The following SYT7 variants were observed in gnomAD, a reference collection of about 807,000 sequenced individuals.
SYT7 encodes the protein synaptotagmin-7.
Under a neutral mutation model 75.1 loss-of-function variants are expected in SYT7, and 29 were observed. The observed-to-expected ratio is 0.39, with a 90% CI of 0.29 to 0.53. SYT7 has a LOEUF of 0.53. Among genes scored for constraint, SYT7 ranks in the 20% least tolerant of loss-of-function variants. The pLI is 0.77. For synonymous variants in SYT7, 376 were observed against 401.7 expected (o/e 0.94, Z 0.76); for missense variants, 693 against 953.2 (o/e 0.73, Z 3.59).
chr11:61,565,491 T>C (rs1415491811), intron 1 of SYT7, among the ~76,000 whole-genome samples: 2 of 152,196 alleles, frequency 1.3e-5, no homozygotes, highest in African/African-American at 4.8e-5. Flanking sequence ...TCTTGCAGAA[T>C]TTCCTGACCT....
At chr11:61,545,379 T>C (rs966695729) in intron 5 of SYT7, among the ~76,000 whole-genome samples, 3 of 152,100 alleles carry the variant, frequency 2.0e-5, no homozygotes, top group Admixed American at 6.5e-5. Flanking sequence ...CAACAGCCAG[T>C]GGTGGGATAG....
intron 7 of SYT7, 56 bp downstream of exon 7, chr11:61,538,088 C>T (rs1341130222): frequency 3.2e-5 from 49 of 1,528,682 alleles, no homozygotes; most frequent in Admixed American, 1.8e-4. Context: ...GGCAGGCGGC[C>T]TCTCCGCGCC....
the SYT7 span, among the ~76,000 whole-genome samples, chr11:61,587,901 G>A: frequency 2.6e-5 from 4 of 151,522 alleles, no homozygotes; most frequent in African/African-American, 9.7e-5. Flanking sequence ...GGCCCAGAGG[G>A]AGGAGGGGGA....
At chr11:61,532,317 T>C (rs1402174947) in intron 8 of SYT7, among the ~76,000 whole-genome samples, 2 of 152,134 alleles carry the variant, frequency 1.3e-5, no homozygotes. Context: ...GTGGGGCAAG[T>C]GGCTGTGACT....
At chr11:61,541,759 G>C (rs1050021170) in intron 6 of SYT7, among the ~76,000 whole-genome samples, 1 of 151,944 alleles carries the variant, frequency 6.6e-6, no homozygotes, top group African/African-American at 2.4e-5. Flanking sequence ...GGCTAGCAGA[G>C]TCGGGTTACA....
At position 61,580,776 on chromosome 11, in the gene SYT7, G is replaced by A. The variant is rs1467599909; in HGVS notation, c.31+14C>T. On this transcript the variant is annotated intron_variant, in intron 1 of 12. Coordinates refer to ENST00000539008, the MANE Select transcript of SYT7 (RefSeq NM_001365809.2). The surrounding 1 kb of genome is among the most constrained non-coding windows in gnomAD (Gnocchi z 6.1). Reference sequence around the variant, plus strand: ...CCGGTGCGGGGCGCCCCAGCCCGCCGGGGCCGCGCTTACCTGGGCTGGCCG... The same window carrying A: ...CCGGTGCGGGGCGCCCCAGCCCGCCAGGGCCGCGCTTACCTGGGCTGGCCG... 7.9e-7 allele frequency: 1 copy of A among 1,262,350 alleles called. No individual in the cohort carries two copies. Among genetic ancestry groups the A allele is most frequent in the Non-Finnish European group, 1.0e-6 (1 of 1,004,224 alleles). 78.2% of individuals were successfully genotyped at this position (1,262,350 alleles called of 1,614,324 possible). A position where few individuals can be genotyped will look rare whatever the true frequency, so the allele number is the denominator to read the frequency against.
rs1452356548 is a variant in SYT7 at position 61,576,185 on chromosome 11, C to T, written c.31+4605G>A. 6.6e-6 allele frequency among the ~76,000 whole-genome samples: 1 copy of T among 152,238 alleles called. No individual in the cohort carries two copies. Among genetic ancestry groups the T allele is most frequent in the Admixed American group, 6.5e-5 (1 of 15,290 alleles). The stretch of plus-strand genomic sequence containing the variant: ...CCTTGGGGAATTCTGCTGGGTGAGA[C>T]CAAAGCCCTGCCCTGCAGACACTAG... On this transcript the variant is annotated intron_variant, in intron 1 of 12. Coordinates refer to ENST00000539008, the MANE Select transcript of SYT7 (RefSeq NM_001365809.2). This position sits in a 1 kb window ranked among gnomAD's most constrained non-coding sequence, Gnocchi z 4.1.
intron 1 of SYT7, among the ~76,000 whole-genome samples, chr11:61,570,880 G>A (rs2063902413): frequency 6.6e-6 from 1 of 152,086 alleles, no homozygotes. Context: ...ACCATCAAAG[G>A]GTAGGACCAG....
In SYT7 at chr11:61,547,190, G is replaced by A; in HGVS notation, c.334C>T (p.Arg112Ter). 1.3e-6 allele frequency: 2 copies of A among 1,535,602 alleles called. No homozygotes were observed. Among genetic ancestry groups the A allele is most frequent in the Non-Finnish European group, 8.7e-7 (1 of 1,146,712 alleles). Residue 112 changes from arginine to a stop codon, truncating the protein, a stop_gained, in exon 4 of 13, where the codon CGA becomes TGA. Transcript: ENST00000539008. LOFTEE classifies it high-confidence loss of function. ...ISPYAPYGDP[R>*]LSLNGTLLSG... is the part of the protein sequence containing the mutation. Reference sequence around the variant, plus strand: ...AAAGTCACTCACTTGAGGGACAGTCGTGGGTCGCCATAAGGGGCGTAGGGT... The same window carrying A: ...AAAGTCACTCACTTGAGGGACAGTCATGGGTCGCCATAAGGGGCGTAGGGT...
At chr11:61,522,959 A>G in intron 12 of SYT7, 116 bp downstream of exon 12, 1 of 1,036,590 alleles carries the variant, frequency 9.6e-7, no homozygotes, top group Non-Finnish European at 1.5e-6. Context: ...GAGGAGACTG[A>G]TCCCAATCTC....
In SYT7 at chr11:61,517,834, A is replaced by T; in HGVS notation, c.*793T>A. The T allele has an allele frequency of 9.4e-5, 21 of 222,960 alleles. No homozygotes were observed. The highest frequency in any genetic ancestry group is 1.5e-3 in the Middle Eastern group (1 of 680). The allele number at this position is 222,960 out of a possible 1,614,324, so 13.8% of individuals were successfully genotyped here. A position where few individuals can be genotyped will look rare whatever the true frequency, so the allele number is the denominator to read the frequency against. ...AGATTCTGAGCAGAGGGGGGCACCA[A>T]GGGGAGAAGGGGAGGAGACGGGGGG... is the stretch of plus-strand genomic sequence containing the variant. On this transcript the variant is annotated 3_prime_UTR_variant, in exon 13 of 13. Transcript: ENST00000539008.
intron 8 of SYT7, among the ~76,000 whole-genome samples, chr11:61,532,341 C>G (rs1286979041): frequency 6.6e-6 from 1 of 152,170 alleles, no homozygotes; most frequent in Admixed American, 6.5e-5. Flanking sequence ...TGCTGCCCCC[C>G]TGGGGGCACC....
intron 12 of SYT7, among the ~76,000 whole-genome samples, chr11:61,521,515 T>C (rs1241004352): frequency 6.6e-6 from 1 of 152,138 alleles, no homozygotes; most frequent in Non-Finnish European, 1.5e-5. Context: ...TGGGGAGTTG[T>C]CTCACCTGTG....
At chr11:61,528,235 C>A in intron 8 of SYT7, 50 bp from the exon 9 acceptor site, 1 of 1,589,392 alleles carries the variant, frequency 6.3e-7, no homozygotes, top group South Asian at 1.1e-5. Flanking sequence ...TCTGCTTCCC[C>A]CATGTCCCCA....
rs542254485 is a variant in SYT7 at position 61,546,704 on chromosome 11, G to A, written c.348-449C>T. On this transcript the variant is annotated intron_variant, in intron 4 of 12. Transcript: ENST00000539008. The surrounding 1 kb of genome is among the most constrained non-coding windows in gnomAD (Gnocchi z 7.6). Reference sequence around the variant, plus strand: ...CCAAGGCAGGGAGAAAGAGAAAGCCGTGTTAGTCAGAGTTCATCACCACCA... The same window carrying A: ...CCAAGGCAGGGAGAAAGAGAAAGCCATGTTAGTCAGAGTTCATCACCACCA... 58 of 456,516 alleles carry A rather than the reference G, an allele frequency of 1.3e-4. No homozygotes were observed. The highest frequency in any genetic ancestry group is 2.2e-4 in the Non-Finnish European group (51 of 227,734). The allele number at this position is 456,516 out of a possible 1,614,324, so 28.3% of individuals were successfully genotyped here.
chr11:61,550,059 C>T (rs1051556180), intron 3 of SYT7, among the ~76,000 whole-genome samples: 21 of 152,338 alleles, frequency 1.4e-4, no homozygotes, highest in Middle Eastern at 3.4e-3. Context: ...TCAGAAAGCC[C>T]GGGCCTGCAC....
rs2063333130 is a variant in SYT7 at position 61,551,045 on chromosome 11, G to A, written c.215+339C>T. Among the ~76,000 whole-genome samples the A allele has an allele frequency of 6.6e-6, 1 of 152,170 alleles. No individual in the cohort carries two copies. Among genetic ancestry groups the A allele is most frequent in the Admixed American group, 6.5e-5 (1 of 15,286 alleles). On this transcript the variant is annotated intron_variant, in intron 3 of 12. Transcript: ENST00000539008. This position sits in a 1 kb window ranked among gnomAD's most constrained non-coding sequence, Gnocchi z 5.3. ...GGGGCCCCATGAGAGGGGCTTGGAG[G>A]TCCAGGGAAGCCGGCGGGTGGTGGG...
In SYT7 at chr11:61,538,273, G is replaced by A. The variant is rs771696731; in HGVS notation, c.942-7C>T. ...CACCACCATCCGGCCTTCCCTGCCC[G>A]GGGAGGGCAGCCCACAGGCCAGGGT... is the stretch of plus-strand genomic sequence containing the variant. On this transcript the variant is annotated splice_region_variant and splice_polypyrimidine_tract_variant and intron_variant, in intron 6 of 12. Coordinates refer to ENST00000539008, the MANE Select transcript of SYT7 (RefSeq NM_001365809.2). 3.1e-4 allele frequency: 471 copies of A among 1,532,484 alleles called. 2 individuals carry two copies. The highest frequency in any genetic ancestry group is 3.3e-4 in the Middle Eastern group (2 of 5,994). 94.9% of individuals were successfully genotyped at this position (1,532,484 alleles called of 1,614,324 possible). A position where few individuals can be genotyped will look rare whatever the true frequency, so the allele number is the denominator to read the frequency against.
Position 61,556,124 on chromosome 11 carries a change from GGCAGAGGCC to G in SYT7, c.106_114del (p.Gly36_Cys38del). 6.2e-7 allele frequency: 1 copy of G among 1,613,934 alleles called. No individual in the cohort carries two copies. Among genetic ancestry groups the G allele is most frequent in the South Asian group, 1.1e-5 (1 of 91,028 alleles). On this transcript the variant is annotated inframe_deletion, in exon 2 of 13. Transcript: ENST00000539008. ...CTCACCAGTTTGCGCTGACACCAGT[GGCAGAGGCC>G]GCAGAGGACGACAGTGACGCTAAGG...
Sources: allele counts gnomAD v4.1 joint callset (sites outside exome capture counted in the v4.1 genomes callset), GRCh38; gene constraint gnomAD v4.1.1; non-coding constraint Gnocchi (gnomAD v3.1); transcripts MANE v1.5; gene names NCBI Gene and HGNC (gene_info 2026-07-23, HGNC 2026-07-21).